The following PCNX1 variants were observed in gnomAD, a reference collection of about 807,000 sequenced individuals.
The protein encoded by PCNX1 is pecanex-like protein 1.
In PCNX1, 78 loss-of-function variants were observed where a neutral mutation model predicts 242.2. That is an observed-to-expected ratio of 0.32 (90% CI 0.27 to 0.39). The LOEUF (loss-of-function observed/expected upper bound fraction) is 0.39. Among genes scored for constraint, PCNX1 ranks in the 10% least tolerant of loss-of-function variants. The probability of loss-of-function intolerance (pLI) is 1.00; values close to 1 mark genes in which losing one functional copy is unlikely to be tolerated. For synonymous variants in PCNX1, 1,024 were observed against 1,032.9 expected, an observed-to-expected ratio of 0.99 and a Z score of 0.17; for missense variants, 2,581 against 2,856.5, an observed-to-expected ratio of 0.90 and a Z score of 2.20.
chr14:70,913,208 CT>C (rs2056002031), intron 1 of PCNX1, among the ~76,000 whole-genome samples: 1 of 152,146 alleles, frequency 6.6e-6, no homozygotes, highest in African/African-American at 2.4e-5. Flanking sequence ...ATATTAGGAT[CT>C]GAAGAAGTAT....
At position 71,026,127 on chromosome 14, in the gene PCNX1, G is replaced by A. The variant is rs373015087; in HGVS notation, c.3194G>A (p.Arg1065His). The A allele has an allele frequency of 2.2e-5, 34 of 1,580,780 alleles. No homozygotes were observed. The highest frequency in any genetic ancestry group is 1.7e-4 in the Middle Eastern group (1 of 5,962). Residue 1065 changes from arginine to histidine, a missense_variant, in exon 14 of 36, where the codon CGT becomes CAT. Transcript: ENST00000304743. Reference sequence around the variant, plus strand: ...AAATATCATTTTCAGGGTCATAATCGTATCATTGCCTACAGTAGACCAGTT... The same window carrying A: ...AAATATCATTTTCAGGGTCATAATCATATCATTGCCTACAGTAGACCAGTT... ...DSSSPRHGHN[R>H]IIAYSRPVYF...
chr14:71,073,615 T>C lies in PCNX1; in HGVS notation c.4923T>C (p.Cys1641=), dbSNP rs1315818449. ...EGVEEDEGFC[C]CEPGHIPHML... ...TAGAGGAAGATGAAGGATTTTGCTG[T>C]TGTGAACCTGGCCATATTCCTCACA... The change falls in exon 27 of 36, where the codon TGT becomes TGC. Residue 1641 remains cysteine (C), a synonymous_variant. Coordinates refer to ENST00000304743, the MANE Select transcript of PCNX1 (RefSeq NM_014982.3). 1 of 1,614,078 alleles carries C rather than the reference T, an allele frequency of 6.2e-7. No homozygotes were observed. Among genetic ancestry groups the C allele is most frequent in the South Asian group, 1.1e-5 (1 of 91,084 alleles).
chr14:70,968,086 T>A (rs887307597), intron 3 of PCNX1, 112 bp from the exon 4 acceptor site: 1 of 784,058 alleles, frequency 1.3e-6, no homozygotes, highest in East Asian at 2.5e-5. Context: ...ATAAAAATGA[T>A]CGATAACATG....
At chr14:70,945,694 G>A (rs538543886) in intron 1 of PCNX1, among the ~76,000 whole-genome samples, 58 of 150,806 alleles carry the variant, frequency 3.8e-4, no homozygotes, top group African/African-American at 1.4e-3. Context: ...TTGAAATGGA[G>A]TATCACTGTG....
chr14:71,061,201 A>T (rs938845884), intron 26 of PCNX1, among the ~76,000 whole-genome samples: 4 of 152,210 alleles, frequency 2.6e-5, no homozygotes, highest in African/African-American at 9.7e-5. Context: ...GTTGCAGGTT[A>T]CAAATGGAAG....
chr14:71,045,462 T>C (rs1420746215), intron 20 of PCNX1, among the ~76,000 whole-genome samples, 179 bp downstream of exon 20: 1 of 152,190 alleles, frequency 6.6e-6, no homozygotes, highest in Non-Finnish European at 1.5e-5. Flanking sequence ...TTAGCTGAAA[T>C]ATGAGTATCA....
rs76918742 is a variant in PCNX1 at position 70,969,391 on chromosome 14, A to G, written c.604+281A>G. On this transcript the variant is annotated intron_variant, in intron 5 of 35. Coordinates refer to ENST00000304743, the MANE Select transcript of PCNX1 (RefSeq NM_014982.3). ...ATGAGATGGGAGATAAGAATCTGCT[A>G]TTCTTTTAGTTGGTCAGACCAACTA... is the stretch of plus-strand genomic sequence containing the variant. The G allele has an allele frequency of 8.8e-3, 2,439 of 275,970 alleles. 22 individuals carry two copies. Among genetic ancestry groups the G allele is most frequent in the Middle Eastern group, 0.02 (18 of 888 alleles). The allele number at this position is 275,970 out of a possible 1,614,324, so 17.1% of individuals were successfully genotyped here. A position where few individuals can be genotyped will look rare whatever the true frequency, so the allele number is the denominator to read the frequency against.
At chr14:71,004,633 G>C (rs1050995442) in intron 8 of PCNX1, among the ~76,000 whole-genome samples, 10 of 152,186 alleles carry the variant, frequency 6.6e-5, no homozygotes, top group African/African-American at 2.4e-4. Context: ...GGCCAGAAAG[G>C]TTGGGGACCG....
intron 7 of PCNX1, among the ~76,000 whole-genome samples, chr14:70,994,441 A>ATGTT (rs2059284468): frequency 7.0e-6 from 1 of 142,846 alleles, no homozygotes; most frequent in African/African-American, 2.5e-5. Flanking sequence ...GTATGTATGT[A>ATGTT]TGTTTCAACA....
intron 7 of PCNX1, among the ~76,000 whole-genome samples, chr14:70,994,426 T>TATAGATATATATATAG (rs1555357421): frequency 8.7e-6 from 1 of 114,984 alleles, no homozygotes; most frequent in Non-Finnish European, 1.8e-5. Context: ...TATATATATA[T>TATAGATATATATATAG]ATATGTATGT....
chr14:70,970,280 C>A (rs143539240), intron 5 of PCNX1, among the ~76,000 whole-genome samples: 13 of 151,878 alleles, frequency 8.6e-5, no homozygotes, highest in African/African-American at 2.9e-4. Flanking sequence ...GTGGGAGGAT[C>A]GCTTGATCCC....
At chr14:70,995,625 AG>A in intron 7 of PCNX1, 115 bp from the exon 8 acceptor site, 1 of 771,270 alleles carries the variant, frequency 1.3e-6, no homozygotes, top group Non-Finnish European at 2.1e-6. Flanking sequence ...GCGCTTTCTT[AG>A]GTTATGTTGA....
chr14:70,926,600 T>A (rs574736177), intron 1 of PCNX1, among the ~76,000 whole-genome samples: 32 of 152,232 alleles, frequency 2.1e-4, no homozygotes, highest in Admixed American at 2.6e-4. Flanking sequence ...AAACCTCCTA[T>A]AATGCACATG....
intron 12 of PCNX1, among the ~76,000 whole-genome samples, chr14:71,020,200 G>A (rs541129671): frequency 6.1e-4 from 93 of 152,260 alleles, no homozygotes; most frequent in Middle Eastern, 3.4e-3. Context: ...CATTTGGGTT[G>A]GTTCCAAGTC....
At chr14:71,079,024 G>A (rs551516653) in intron 28 of PCNX1, among the ~76,000 whole-genome samples, 4 of 152,110 alleles carry the variant, frequency 2.6e-5, no homozygotes, top group South Asian at 2.1e-4. Context: ...GACAGGCCCC[G>A]GTGTGTGATG....
At position 71,033,417 on chromosome 14, in the gene PCNX1, A is replaced by G. The variant is rs2060445709; in HGVS notation, c.3559-12A>G. The G allele has an allele frequency of 1.4e-6, 2 of 1,403,274 alleles. No homozygotes were observed. The highest frequency in any genetic ancestry group is 1.2e-5 in the South Asian group (1 of 85,218). The allele number at this position is 1,403,274 out of a possible 1,614,324, so 86.9% of individuals were successfully genotyped here. The stretch of plus-strand genomic sequence containing the variant: ...AGAAGCATATTATTCTGTTAAATTC[A>G]TTTTTCCGCAGGATTCTTGGGATGG... On this transcript the variant is annotated splice_polypyrimidine_tract_variant and intron_variant, in intron 16 of 35. Coordinates refer to ENST00000304743, the MANE Select transcript of PCNX1 (RefSeq NM_014982.3).
intron 1 of PCNX1, among the ~76,000 whole-genome samples, chr14:70,912,061 C>G (rs1445574184): frequency 6.6e-6 from 1 of 151,962 alleles, no homozygotes; most frequent in Non-Finnish European, 1.5e-5. Context: ...CGGTGAAACC[C>G]CGTCTCTACT....
intron 30 of PCNX1, among the ~76,000 whole-genome samples, chr14:71,098,553 T>TGAGAGAGAGAGAGA (rs1555379088): frequency 8.8e-5 from 11 of 125,668 alleles, no homozygotes; most frequent in African/African-American, 3.2e-4. Context: ...TGTGTGTGTG[T>TGAGAGAGAGAGAGA]GAGAGAGAGA....
intron 1 of PCNX1, among the ~76,000 whole-genome samples, chr14:70,946,100 A>C (rs1426916652): frequency 1.3e-5 from 2 of 152,246 alleles, no homozygotes; most frequent in Admixed American, 1.3e-4. Flanking sequence ...CCCCACACCC[A>C]GGATGTTTGG....
Sources: gnomAD v4.1 joint callset for allele counts (sites outside exome capture counted in the v4.1 genomes callset) on GRCh38, gnomAD v4.1.1 for gene constraint, MANE v1.5 for transcripts, NCBI Gene and HGNC (gene_info 2026-07-23, HGNC 2026-07-21) for gene names.